The following SLC40A1 variants were observed in gnomAD, a reference collection of about 807,000 sequenced individuals.
SLC40A1 encodes ferroportin.
SLC40A1 carries 16 observed loss-of-function variants against 53.5 expected under a neutral mutation model. That is an observed-to-expected ratio of 0.30 (90% CI 0.20 to 0.45). The LOEUF is 0.45. SLC40A1 is among the 20% of genes least tolerant of loss of function. The pLI is 1.00. For synonymous variants in SLC40A1, 247 were observed against 253.2 expected, an observed-to-expected ratio of 0.98 and a Z score of 0.23; for missense variants, 545 against 695.4, an observed-to-expected ratio of 0.78 and a Z score of 2.43.
Position 189,561,769 on chromosome 2 carries a change from G to T in SLC40A1, c.*109C>A. The T allele has an allele frequency of 1.1e-6, 1 of 932,220 alleles. No homozygotes were observed. Among genetic ancestry groups the T allele is most frequent in the African/African-American group, 1.6e-5 (1 of 61,244 alleles). The allele number at this position is 932,220 out of a possible 1,614,324, so 57.7% of individuals were successfully genotyped here. ...AGCTTTTAGTTCTCAAGGCACAGCT[G>T]TGGTAAAAACAGAGCAAAACACCCA... is the stretch of plus-strand genomic sequence containing the variant. On this transcript the variant is annotated 3_prime_UTR_variant, in exon 8 of 8. Coordinates refer to ENST00000261024, the MANE Select transcript of SLC40A1 (RefSeq NM_014585.6).
chr2:189,568,744 G>A (rs1373977547), intron 5 of SLC40A1, among the ~76,000 whole-genome samples: 1 of 152,126 alleles, frequency 6.6e-6, no homozygotes, highest in African/African-American at 2.4e-5. Context: ...TAGCAGTTTT[G>A]TCTACTTCAT....
chr2:189,571,590 C>T, intron 5 of SLC40A1, 125 bp downstream of exon 5: 1 of 1,464,370 alleles, frequency 6.8e-7, no homozygotes, highest in East Asian at 2.5e-5. Context: ...AAAAAGTATG[C>T]TTTCAATTTA....
chr2:189,578,390 T>G, intron 2 of SLC40A1: 1 of 1,002,086 alleles, frequency 1.0e-6, no homozygotes, highest in South Asian at 4.7e-5. Context: ...ACCTTTCTTG[T>G]GGGACTTTTA....
Position 189,562,108 on chromosome 2 carries a change from G to A in SLC40A1, c.1486C>T (p.Gln496Ter). Residue 496 changes from glutamine (Q) to a stop codon, truncating the protein, a stop_gained, in exon 8 of 8, where the codon CAG becomes TAG. Coordinates refer to ENST00000261024, the MANE Select transcript of SLC40A1 (RefSeq NM_014585.6). LOFTEE classifies it high-confidence loss of function. ...TCAAGAAGATAGTTCATGGAGTTCT[G>A]TACACCATTTATAATGCCTCTTTCA... is the stretch of plus-strand genomic sequence containing the variant. ...ESERGIINGV[Q>*]NSMNYLLDLL... The A allele has an allele frequency of 1.2e-6, 2 of 1,613,706 alleles. No homozygotes were observed. The highest frequency in any genetic ancestry group is 1.7e-6 in the Non-Finnish European group (2 of 1,179,712).
At chr2:189,572,103 T>C (rs2031150228) in intron 4 of SLC40A1, among the ~76,000 whole-genome samples, 1 of 152,206 alleles carries the variant, frequency 6.6e-6, no homozygotes, top group African/African-American at 2.4e-5. Context: ...TGAATACAGT[T>C]ATAAAATGTT....
chr2:189,568,637 C>T (rs2031013154), intron 5 of SLC40A1, among the ~76,000 whole-genome samples: 1 of 152,230 alleles, frequency 6.6e-6, no homozygotes, highest in Non-Finnish European at 1.5e-5. Context: ...TTTAACTGTT[C>T]TCAGCTACAG....
At chr2:189,579,959 T>A in intron 1 of SLC40A1, 79 bp from the exon 2 acceptor site, 1 of 1,368,800 alleles carries the variant, frequency 7.3e-7, no homozygotes, top group Non-Finnish European at 1.0e-6. Flanking sequence ...ATCCATTTGA[T>A]CTCATTAGAA....
intron 6 of SLC40A1, among the ~76,000 whole-genome samples, chr2:189,565,149 T>C (rs1436201741): frequency 6.6e-6 from 1 of 152,182 alleles, no homozygotes; most frequent in Non-Finnish European, 1.5e-5. Context: ...AGGGGACCCA[T>C]TCTAACCCCA....
rs1436727531 is a variant in SLC40A1 at position 189,564,169 on chromosome 2, T to C, written c.817A>G (p.Ile273Val). Residue 273 changes from isoleucine (I) to valine (V), a missense_variant, in exon 7 of 8, where the codon ATC becomes GTC. This residue lies in a region of SLC40A1 where 107 missense variants were observed against 91.0 expected (regional missense o/e 1.18). Coordinates refer to ENST00000261024, the MANE Select transcript of SLC40A1 (RefSeq NM_014585.6). ...TCTTGCTCATGTTCAAGCTCATGGA[T>C]GTTAGAGTCTTTCACACCCATTAGA... ...THLMGVKDSNIHELEHEQEPT... is the reference protein window; with the variant it reads ...THLMGVKDSNVHELEHEQEPT... The C allele has an allele frequency of 5.6e-6, 9 of 1,613,776 alleles. No individual in the cohort carries two copies. The highest frequency in any genetic ancestry group is 6.8e-6 in the Non-Finnish European group (8 of 1,179,906).
chr2:189,575,135 G>T, intron 3 of SLC40A1, 26 bp downstream of exon 3: 1 of 1,613,360 alleles, frequency 6.2e-7, no homozygotes, highest in African/African-American at 1.3e-5. Flanking sequence ...ATGAATAAAA[G>T]GGCTTAATTA....
At position 189,561,989 on chromosome 2, in the gene SLC40A1, G is replaced by A; in HGVS notation, c.1605C>T (p.His535=). The part of the protein sequence containing the change: ...LISVSFVAMG[H]IMYFRFAQNT... ...TTTGGGCAAATCGGAAATACATAAT[G>A]TGGCCCATTGCCACAAAGGAGACTG... Residue 535 remains histidine (H), a synonymous_variant, in exon 8 of 8, where the codon CAC becomes CAT. Coordinates refer to ENST00000261024, the MANE Select transcript of SLC40A1 (RefSeq NM_014585.6). The A allele has an allele frequency of 3.7e-6, 6 of 1,614,084 alleles. No homozygotes were observed. The highest frequency in any genetic ancestry group is 5.1e-6 in the Non-Finnish European group (6 of 1,179,962).
Position 189,576,147 on chromosome 2 carries a change from C to T in SLC40A1, c.112-827G>A, listed in dbSNP as rs149092476. Among the ~76,000 whole-genome samples, 215 of 152,244 alleles carry T rather than the reference C, an allele frequency of 1.4e-3. 1 individual carries two copies. Among genetic ancestry groups the T allele is most frequent in the African/African-American group, 5.1e-3 (212 of 41,542 alleles). On this transcript the variant is annotated intron_variant, in intron 2 of 7. Coordinates refer to ENST00000261024, the MANE Select transcript of SLC40A1 (RefSeq NM_014585.6). ...TAGGCAAATTAATGTCTTAAAAAAT[C>T]TACAGTGGACCTTATTATGAGATTT...
chr2:189,568,873 T>C (rs930229769), intron 5 of SLC40A1, among the ~76,000 whole-genome samples: 13 of 152,048 alleles, frequency 8.5e-5, no homozygotes, highest in Admixed American at 6.5e-5. Context: ...CAGAAGATAC[T>C]AATAAAGAGT....
chr2:189,572,726 C>T, intron 4 of SLC40A1, 120 bp downstream of exon 4: 1 of 727,226 alleles, frequency 1.4e-6, no homozygotes. Flanking sequence ...ACAGTAGACA[C>T]AGAAATCAAT....
intron 5 of SLC40A1, 131 bp downstream of exon 5, chr2:189,571,584 A>T: frequency 6.9e-7 from 1 of 1,442,616 alleles, no homozygotes; most frequent in Non-Finnish European, 9.4e-7. Context: ...TAAGAAAAAA[A>T]GTATGCTTTC....
intron 4 of SLC40A1, chr2:189,572,413 T>C (rs2105628773): frequency 3.6e-6 from 1 of 278,272 alleles, no homozygotes; most frequent in East Asian, 9.9e-5. Flanking sequence ...CCCTCTCCTC[T>C]TTTCCATCAA....
At position 189,572,954 on chromosome 2, in the gene SLC40A1, C is replaced by G; in HGVS notation, c.279G>C (p.Gln93His). ...VDKNARLKVAQTSLVVQNVSV... is the reference protein window; with the variant it reads ...VDKNARLKVAHTSLVVQNVSV... ...AAACATTCTGTACCACCAGCGAGGT[C>G]TGGGCCACTGTGCAGAGGAAGAGAG... Residue 93 changes from glutamine (Q) to histidine (H), a missense_variant, in exon 4 of 8, where the codon CAG becomes CAC. Coordinates refer to ENST00000261024, the MANE Select transcript of SLC40A1 (RefSeq NM_014585.6). 1 of 1,610,956 alleles carries G rather than the reference C, an allele frequency of 6.2e-7. No individual in the cohort carries two copies. The highest frequency in any genetic ancestry group is 8.5e-7 in the Non-Finnish European group (1 of 1,177,118).
At chr2:189,579,708 T>C in intron 2 of SLC40A1, 105 bp downstream of exon 2, 2 of 999,248 alleles carry the variant, frequency 2.0e-6, no homozygotes, top group Non-Finnish European at 3.2e-6. Context: ...GATTTATTTC[T>C]TTAACTGCTT....
Position 189,579,870 on chromosome 2 carries a change from G to C in SLC40A1, c.54C>G (p.Ala18=). 6.2e-7 allele frequency: 1 copy of C among 1,614,158 alleles called. No homozygotes were observed. The highest frequency in any genetic ancestry group is 2.2e-5 in the East Asian group (1 of 44,886). ...GGAATTTTGCAGAGGTCAGGTAGTC[G>C]GCCAAGGATCCTGCAAAGACACAGG... ...NRQRGCCGSL[A]DYLTSAKFLL... Residue 18 remains alanine (A), a synonymous_variant, in exon 2 of 8, where the codon GCC becomes GCG. Transcript: ENST00000261024.
Sources: gnomAD v4.1 joint callset for allele counts (sites outside exome capture counted in the v4.1 genomes callset) on GRCh38, gnomAD v4.1.1 for gene constraint, gnomAD v4.1.1 regional missense constraint, MANE v1.5 for transcripts, NCBI Gene and HGNC (gene_info 2026-07-23, HGNC 2026-07-21) for gene names.